FHIT: variants seen among roughly 807,000 people sequenced by gnomAD.
The protein encoded by FHIT is bis(5'-adenosyl)-triphosphatase.
FHIT carries 19 observed loss-of-function variants against 17.9 expected under a neutral mutation model. The observed-to-expected ratio is 1.06, with a 90% CI of 0.74 to 1.56. The LOEUF is 1.56. Ranked by LOEUF, FHIT falls within the 40% of genes most tolerant of loss-of-function variation. The pLI is 0.00. For missense variants in FHIT, 248 were observed against 189.2 expected (o/e 1.31, Z -1.82); for synonymous variants, 81 against 69.7 (o/e 1.16, Z -0.81).
chr3:59,837,446 C>T (rs1701377501), intron 8 of FHIT, among the ~76,000 whole-genome samples: 1 of 152,078 alleles, frequency 6.6e-6, no homozygotes, highest in African/African-American at 2.4e-5. Context: ...AAAGAAAAGC[C>T]TGCACTTGTT....
intron 2 of FHIT, among the ~76,000 whole-genome samples, chr3:61,111,799 G>T (rs913606366): frequency 1.3e-5 from 2 of 152,108 alleles, no homozygotes; most frequent in Non-Finnish European, 2.9e-5. Context: ...ACATATGTAC[G>T]TATGTGCACG....
intron 5 of FHIT, among the ~76,000 whole-genome samples, chr3:60,190,810 G>C (rs571176508): frequency 1.3e-5 from 2 of 152,112 alleles, no homozygotes; most frequent in African/African-American, 2.4e-5. Context: ...GGGCATGGTA[G>C]TGCACACGTG....
At chr3:59,874,294 T>G (rs1703053711) in intron 8 of FHIT, among the ~76,000 whole-genome samples, 1 of 152,222 alleles carries the variant, frequency 6.6e-6, no homozygotes, top group Non-Finnish European at 1.5e-5. Context: ...GGGCTCATGC[T>G]GTATTCACGA....
intron 4 of FHIT, among the ~76,000 whole-genome samples, chr3:60,777,435 GA>G (rs1243379139): frequency 6.6e-6 from 1 of 152,182 alleles, no homozygotes; most frequent in African/African-American, 2.4e-5. Flanking sequence ...CAATAGAAAG[GA>G]AATGTTCAGG....
chr3:60,653,299 GA>G (rs2040038603), intron 4 of FHIT, among the ~76,000 whole-genome samples: 1 of 152,092 alleles, frequency 6.6e-6, no homozygotes, highest in African/African-American at 2.4e-5. Context: ...GGGTTCTATT[GA>G]AAAGGAATAA....
At chr3:60,204,444 G>GTTTT (rs56126245) in intron 5 of FHIT, among the ~76,000 whole-genome samples, 2 of 114,972 alleles carry the variant, frequency 1.7e-5, no homozygotes, top group Non-Finnish European at 3.8e-5. Flanking sequence ...TAATATTCTG[G>GTTTT]TTTTTTTTTT....
At chr3:60,921,889 C>T (rs1707307063) in intron 3 of FHIT, among the ~76,000 whole-genome samples, 1 of 152,188 alleles carries the variant, frequency 6.6e-6, no homozygotes, top group Non-Finnish European at 1.5e-5. Context: ...GCCAAGACAT[C>T]ACAGTGTAAT....
intron 3 of FHIT, among the ~76,000 whole-genome samples, chr3:60,921,554 A>G (rs1707281415): frequency 6.6e-6 from 1 of 152,246 alleles, no homozygotes; most frequent in South Asian, 2.1e-4. Flanking sequence ...TCATGATATT[A>G]TAGCTTTTTA....
intron 5 of FHIT, among the ~76,000 whole-genome samples, chr3:60,320,814 AT>A (rs1709393016): frequency 6.6e-6 from 1 of 152,184 alleles, no homozygotes; most frequent in South Asian, 2.1e-4. Context: ...ACATATTAAT[AT>A]TTTAATCTTT....
chr3:61,035,285 T>C (rs1363620607), intron 3 of FHIT, among the ~76,000 whole-genome samples: 1 of 152,212 alleles, frequency 6.6e-6, no homozygotes, highest in Non-Finnish European at 1.5e-5. Context: ...TTTTTTGTTA[T>C]ATGACTCTTA....
intron 5 of FHIT, among the ~76,000 whole-genome samples, chr3:60,483,177 G>T (rs1016076719): frequency 6.6e-6 from 1 of 152,124 alleles, no homozygotes; most frequent in Non-Finnish European, 1.5e-5. Context: ...TGAAATTGAG[G>T]CAGTAATTAA....
intron 5 of FHIT, among the ~76,000 whole-genome samples, chr3:60,092,826 T>C (rs1010889526): frequency 6.6e-6 from 1 of 152,168 alleles, no homozygotes; most frequent in Admixed American, 6.5e-5. Context: ...AGGGTCTTAA[T>C]AGCTGATTAT....
chr3:60,896,790 C>T (rs1553762061), intron 3 of FHIT, among the ~76,000 whole-genome samples: 1 of 152,068 alleles, frequency 6.6e-6, no homozygotes, highest in East Asian at 1.9e-4. Flanking sequence ...ACTCAATTTC[C>T]CCCATCTTGT....
chr3:60,506,903 G>T (rs9881093), intron 5 of FHIT, among the ~76,000 whole-genome samples: 68,024 of 151,854 alleles, frequency 0.45, 15,476 homozygotes, highest in African/African-American at 0.5. Context: ...AAAAACTGAC[G>T]GATATACTAT....
chr3:60,343,233 A>C (rs536159876), intron 5 of FHIT, among the ~76,000 whole-genome samples: 1 of 152,258 alleles, frequency 6.6e-6, no homozygotes, highest in South Asian at 2.1e-4. Flanking sequence ...TACTTTGTAG[A>C]ATCTACTGAG....
intron 5 of FHIT, among the ~76,000 whole-genome samples, chr3:60,211,611 C>A (rs769099744): frequency 6.6e-6 from 1 of 152,114 alleles, no homozygotes; most frequent in Non-Finnish European, 1.5e-5. Context: ...CTAAACTGCT[C>A]ATGGTAATTA....
At chr3:60,460,665 C>T (rs759628904) in intron 5 of FHIT, among the ~76,000 whole-genome samples, 1 of 152,160 alleles carries the variant, frequency 6.6e-6, no homozygotes, top group Non-Finnish European at 1.5e-5. Context: ...GGATCCATCT[C>T]TCCCAAAACA....
At chr3:60,714,884 C>T (rs2041640171) in intron 4 of FHIT, among the ~76,000 whole-genome samples, 1 of 152,148 alleles carries the variant, frequency 6.6e-6, no homozygotes, top group African/African-American at 2.4e-5. Flanking sequence ...GATTCAATGT[C>T]ATCCCCATCA....
At chr3:60,829,895 G>A (rs563841783) in intron 3 of FHIT, among the ~76,000 whole-genome samples, 10 of 144,732 alleles carry the variant, frequency 6.9e-5, no homozygotes, top group South Asian at 2.3e-4. Flanking sequence ...TTTTGTAAAA[G>A]GATTTTACAT....
Sources: gnomAD v4.1 joint callset for allele counts (sites outside exome capture counted in the v4.1 genomes callset) on GRCh38, gnomAD v4.1.1 for gene constraint, MANE v1.5 for transcripts, NCBI Gene and HGNC (gene_info 2026-07-23, HGNC 2026-07-21) for gene names.